Variants in TUSC3 observed in about 807,000 individuals in gnomAD.
TUSC3 encodes the protein dolichyl-diphosphooligosaccharide--protein glycosyltransferase subunit TUSC3.
A neutral mutation model predicts 44.8 loss-of-function variants in TUSC3; 45 were observed. The observed-to-expected ratio is 1.00, with a 90% confidence interval of 0.79 to 1.29. TUSC3 has a LOEUF of 1.29. Ranked by LOEUF, TUSC3 falls within the 50% of genes most tolerant of loss-of-function variation. The pLI, the probability that TUSC3 is intolerant of heterozygous loss-of-function variation, is 0.00. For synonymous variants in TUSC3, 212 were observed against 152.9 expected (o/e 1.39, Z -2.85); for missense variants, 519 against 437.9 (o/e 1.19, Z -1.65).
intron 2 of TUSC3, among the ~76,000 whole-genome samples, chr8:15,485,024 A>T (rs1332814483): frequency 1.3e-5 from 2 of 152,120 alleles, no homozygotes. Context: ...GTGAATTGTC[A>T]TCCTCTGCCC....
At chr8:15,438,955 A>C (rs1316884933) in intron 1 of TUSC3, among the ~76,000 whole-genome samples, 1 of 152,156 alleles carries the variant, frequency 6.6e-6, no homozygotes, top group Non-Finnish European at 1.5e-5. Context: ...AATCTACAAA[A>C]CACAGTGCAG....
chr8:15,790,179 CTT>C, the TUSC3 span, among the ~76,000 whole-genome samples: 7 of 72,250 alleles, frequency 9.7e-5, no homozygotes, highest in Middle Eastern at 0.015. Context: ...TTGTTAAGGC[CTT>C]TTTTTTTTTT....
chr8:15,508,690 T>C (rs1180029748), intron 2 of TUSC3, among the ~76,000 whole-genome samples: 4 of 152,112 alleles, frequency 2.6e-5, no homozygotes, highest in Non-Finnish European at 5.9e-5. Context: ...CTCAGTCTCC[T>C]GACCTTGTGA....
chr8:15,586,947 A>C (rs1192453656), intron 1 of TUSC3, among the ~76,000 whole-genome samples: 1 of 152,144 alleles, frequency 6.6e-6, no homozygotes, highest in Non-Finnish European at 1.5e-5. Context: ...AAGCCATCCT[A>C]GTGATTCTGA....
In TUSC3 at chr8:15,716,517, GAGTA is replaced by G. The variant is rs144302929; in HGVS notation, c.799-14145_799-14142del. ...AAAACCAATTTATGGGTAAAAAATT[GAGTA>G]AGTGTGTATAAGTATGTGTAAGTGC... On this transcript the variant is annotated intron_variant, in intron 6 of 10. Transcript: ENST00000503731. 3.5e-3 allele frequency among the ~76,000 whole-genome samples: 537 copies of G among 152,224 alleles called. 9 individuals are homozygous for G. Among genetic ancestry groups the G allele is most frequent in the East Asian group, 0.035 (180 of 5,172 alleles).
rs542123650 is a variant in TUSC3, at chr8:15,449,974, C to T, written n.91+32669C>T. Among the ~76,000 whole-genome samples, 20 of 152,226 alleles carry T rather than the reference C, an allele frequency of 1.3e-4. 1 individual carries two copies. Among genetic ancestry groups the T allele is most frequent in the African/African-American group, 4.6e-4 (19 of 41,526 alleles). On this transcript the variant is annotated intron_variant and non_coding_transcript_variant, in intron 1 of 5. Transcript: ENST00000503191. ...CTAGGAGCGATAGGCTAGGCTATAC[C>T]ACATAGCCTAGGTGTGCAGGAGGCT... is the stretch of plus-strand genomic sequence containing the variant.
At chr8:15,774,036 ATATAACT>A in the TUSC3 span, among the ~76,000 whole-genome samples, 2 of 152,206 alleles carry the variant, frequency 1.3e-5, no homozygotes, top group African/African-American at 4.8e-5. Context: ...CAAAATAAAA[ATATAACT>A]TAGACCTCAA....
chr8:15,522,373 C>CA (rs1249848616), intron 2 of TUSC3, among the ~76,000 whole-genome samples: 2 of 152,122 alleles, frequency 1.3e-5, no homozygotes, highest in African/African-American at 4.8e-5. Context: ...GCTGGCATTA[C>CA]AGGCCTGCGC....
intron 1 of TUSC3, among the ~76,000 whole-genome samples, chr8:15,458,282 A>G (rs1800288994): frequency 6.6e-6 from 1 of 152,130 alleles, no homozygotes; most frequent in South Asian, 2.1e-4. Context: ...TCTGTGGCCC[A>G]TGCTGAGGTA....
intron 1 of TUSC3, among the ~76,000 whole-genome samples, chr8:15,600,206 C>G (rs933263489): frequency 4.6e-5 from 7 of 151,628 alleles, no homozygotes; most frequent in Non-Finnish European, 1.0e-4. Context: ...AATATGTTTT[C>G]TATTAGAAAA....
chr8:15,830,806 T>A, the TUSC3 span, among the ~76,000 whole-genome samples: 1 of 152,108 alleles, frequency 6.6e-6, no homozygotes, highest in Non-Finnish European at 1.5e-5. Context: ...TTGAGTATGA[T>A]ATTTACTATT....
At chr8:15,479,801 G>A (rs1800634178) in intron 1 of TUSC3, among the ~76,000 whole-genome samples, 1 of 152,076 alleles carries the variant, frequency 6.6e-6, no homozygotes, top group South Asian at 2.1e-4. Flanking sequence ...TTCTGGCCAG[G>A]CCTATCATGC....
At chr8:15,775,554 T>C in the TUSC3 span, among the ~76,000 whole-genome samples, 1 of 151,804 alleles carries the variant, frequency 6.6e-6, no homozygotes, top group Non-Finnish European at 1.5e-5. Context: ...CATGGTTCTC[T>C]TATCCGGACT....
chr8:15,558,984 T>G lies in TUSC3; in HGVS notation c.138+18416T>G, dbSNP rs1324642081. On this transcript the variant is annotated intron_variant, in intron 1 of 10. Transcript: ENST00000503731. ...GGATTCATTAATTTTTTGAAGGGTT[T>G]TTTGTGTCTCTATTTCCTTCAGTTC... Among the ~76,000 whole-genome samples, 6 of 149,992 alleles carry G rather than the reference T, an allele frequency of 4.0e-5. 1 individual carries two copies. The highest frequency in any genetic ancestry group is 8.9e-5 in the Non-Finnish European group (6 of 67,214).
intron 7 of TUSC3, 108 bp from the exon 8 acceptor site, chr8:15,743,430 C>A: frequency 9.3e-7 from 1 of 1,074,338 alleles, no homozygotes. Flanking sequence ...GTATTTACCT[C>A]TGTGTGCATT....
chr8:15,807,674 T>A, the TUSC3 span, among the ~76,000 whole-genome samples: 15 of 152,192 alleles, frequency 9.9e-5, no homozygotes, highest in Non-Finnish European at 1.6e-4. Context: ...GTTGGACTAC[T>A]AAACACCATA....
intron 1 of TUSC3, among the ~76,000 whole-genome samples, chr8:15,455,581 T>A (rs1286262272): frequency 6.6e-6 from 1 of 152,162 alleles, no homozygotes; most frequent in Admixed American, 6.5e-5. Flanking sequence ...TACTTTTTTT[T>A]AACTATTTGC....
chr8:15,775,005 C>T, the TUSC3 span, among the ~76,000 whole-genome samples: 1 of 152,062 alleles, frequency 6.6e-6, no homozygotes, highest in Non-Finnish European at 1.5e-5. Flanking sequence ...GGTGTTTAAA[C>T]AAAACTTGCA....
At chr8:15,748,959 TTTCACCAACAAATA>T (rs1406852647) in intron 9 of TUSC3, 4 of 348,682 alleles carry the variant, frequency 1.1e-5, no homozygotes, top group African/African-American at 6.4e-5. Context: ...CTCATAAGAT[TTTCACCAACAAATA>T]TATTGAAAAT....
Sources: gnomAD v4.1 joint callset for allele counts (sites outside exome capture counted in the v4.1 genomes callset) on GRCh38, gnomAD v4.1.1 for gene constraint, MANE v1.5 for transcripts, NCBI Gene and HGNC (gene_info 2026-07-23, HGNC 2026-07-21) for gene names.